The following EPSTI1 variants were observed in gnomAD, a reference collection of about 807,000 sequenced individuals.
EPSTI1 encodes the protein epithelial stromal interaction 1.
Under a neutral mutation model 49.9 loss-of-function variants are expected in EPSTI1, and 66 were observed. The observed-to-expected ratio is 1.32, with a 90% CI of 1.08 to 1.62. The LOEUF (loss-of-function observed/expected upper bound fraction) is 1.62, where lower values mean the gene tolerates loss of function less well. Ranked by LOEUF, EPSTI1 falls within the 40% of genes most tolerant of loss-of-function variation. The pLI is 0.00. For missense variants in EPSTI1, 394 were observed against 365.5 expected, an observed-to-expected ratio of 1.08 and a Z score of -0.64; for synonymous variants, 137 against 130.7, an observed-to-expected ratio of 1.05 and a Z score of -0.33.
In EPSTI1 at chr13:42,965,679, G is replaced by C. The variant is rs189943094; in HGVS notation, c.332-1540C>G. On this transcript the variant is annotated intron_variant, in intron 3 of 10. Coordinates refer to ENST00000313624, the MANE Select transcript of EPSTI1 (RefSeq NM_033255.5). Reference sequence around the variant, plus strand: ...TTAATGAAAATCAGCTGGAGTCCCTGTCCCTCTCCCTCTCCCTCTCCCTCT... The same window carrying C: ...TTAATGAAAATCAGCTGGAGTCCCTCTCCCTCTCCCTCTCCCTCTCCCTCT... Among the ~76,000 whole-genome samples the C allele has an allele frequency of 1.9e-3, 29 of 15,520 alleles. 4 individuals carry two copies. The highest frequency in any genetic ancestry group is 0.01 in the South Asian group (2 of 196). The allele number at this position is 15,520 out of a possible 152,430, so 10.2% of individuals were successfully genotyped here. A position where few individuals can be genotyped will look rare whatever the true frequency, so the allele number is the denominator to read the frequency against.
intron 10 of EPSTI1, among the ~76,000 whole-genome samples, chr13:42,889,525 G>A (rs1313124286): frequency 5.3e-5 from 8 of 152,100 alleles, no homozygotes; most frequent in Admixed American, 5.2e-4. Flanking sequence ...TTTCCTCCAA[G>A]CCTCTGTGAA....
rs1355126723 is a variant in EPSTI1, at chr13:42,917,624, C to A, written c.658G>T (p.Ala220Ser). The change falls in exon 8 of 11, where the codon GCC (alanine) becomes TCC (serine). Residue 220 changes from alanine (A) to serine (S), a missense_variant and splice_region_variant. Physicochemically the swap from Ala to Ser is moderately conservative, Grantham distance 99. Transcript: ENST00000313624. ...GAATCTCTGTAAGCCCAGCTTCTGG[C>A]CTGTAAAGGTACAAAGAGAAAAAAA... ...AVCGPQSSTW[A>S]RSWAYRDSLK... The A allele has an allele frequency of 3.8e-6, 3 of 784,630 alleles. No individual in the cohort carries two copies. Among genetic ancestry groups the A allele is most frequent in the African/African-American group, 3.5e-5 (2 of 56,402 alleles). The allele number at this position is 784,630 out of a possible 1,614,324, so 48.6% of individuals were successfully genotyped here. A position where few individuals can be genotyped will look rare whatever the true frequency, so the allele number is the denominator to read the frequency against.
At chr13:42,974,608 G>C (rs1407007608) in intron 1 of EPSTI1, among the ~76,000 whole-genome samples, 2 of 151,068 alleles carry the variant, frequency 1.3e-5, no homozygotes, top group African/African-American at 4.9e-5. Context: ...GCAGTGAGCC[G>C]AGATTGCGCC....
intron 6 of EPSTI1, among the ~76,000 whole-genome samples, chr13:42,948,659 TAGAGATGA>T (rs2153427499): frequency 6.6e-6 from 1 of 152,068 alleles, no homozygotes; most frequent in Non-Finnish European, 1.5e-5. Flanking sequence ...GTATTTTTTG[TAGAGATGA>T]GGTCTCCCTA....
chr13:42,904,869 G>T (rs2037455225), intron 8 of EPSTI1, among the ~76,000 whole-genome samples: 1 of 152,060 alleles, frequency 6.6e-6, no homozygotes. Flanking sequence ...AACATTTAAT[G>T]AAAAACTACA....
intron 10 of EPSTI1, among the ~76,000 whole-genome samples, chr13:42,894,690 A>C (rs1480726842): frequency 3.6e-5 from 5 of 139,376 alleles, no homozygotes; most frequent in East Asian, 2.0e-4. Context: ...AAAAAAAAAA[A>C]AAACGTTCAT....
chr13:42,984,674 A>G (rs1001119778), intron 1 of EPSTI1, among the ~76,000 whole-genome samples: 3 of 152,270 alleles, frequency 2.0e-5, no homozygotes, highest in African/African-American at 7.2e-5. Context: ...AGGAGAAAAG[A>G]GAAAAATCAG....
intron 8 of EPSTI1, among the ~76,000 whole-genome samples, chr13:42,912,930 G>C (rs1001783747): frequency 1.8e-4 from 28 of 152,048 alleles, no homozygotes; most frequent in African/African-American, 6.7e-4. Context: ...CAGAAATGGA[G>C]AGCAAAGACA....
chr13:42,987,286 G>A (rs986442356), intron 1 of EPSTI1, among the ~76,000 whole-genome samples: 1 of 151,896 alleles, frequency 6.6e-6, no homozygotes, highest in African/African-American at 2.4e-5. Flanking sequence ...TGTTAGAATT[G>A]AACTGTGGGA....
At chr13:42,911,276 CGCGCACACGTGTGTGAGT>C (rs1566109933) in intron 8 of EPSTI1, among the ~76,000 whole-genome samples, 22 of 146,096 alleles carry the variant, frequency 1.5e-4, no homozygotes. Flanking sequence ...CGCGCGCACG[CGCGCACACGTGTGTGAGT>C]GTGCACATGC....
intron 3 of EPSTI1, among the ~76,000 whole-genome samples, chr13:42,968,658 C>T (rs373819287): frequency 1.3e-5 from 2 of 152,174 alleles, no homozygotes; most frequent in African/African-American, 4.8e-5. Flanking sequence ...TTCCAGCTCA[C>T]TCTCATCTCC....
intron 2 of EPSTI1, chr13:42,969,401 G>A (rs2039710851): frequency 4.2e-6 from 2 of 480,900 alleles, no homozygotes; most frequent in African/African-American, 2.0e-5. Flanking sequence ...CAGAGGGTTC[G>A]AATTTGAAAA....
chr13:42,952,867 T>G (rs1017262355), intron 6 of EPSTI1, among the ~76,000 whole-genome samples: 2 of 152,172 alleles, frequency 1.3e-5, no homozygotes, highest in Non-Finnish European at 2.9e-5. Context: ...CTGCTTATGA[T>G]AGAGGCAGGA....
In EPSTI1 at chr13:42,922,503, C is replaced by T. The variant is rs9525708; in HGVS notation, c.657+3833G>A. Among the ~76,000 whole-genome samples the T allele has an allele frequency of 0.84, 127,014 of 152,090 alleles. 54,368 individuals are homozygous for T. The highest frequency in any genetic ancestry group is 0.95 in the Middle Eastern group (280 of 294). ...GCGGGGACAGGGGACAGATGCCCCC[C>T]GGAAGCTTCAAAAGGAACCATTCCT... On this transcript the variant is annotated intron_variant, in intron 7 of 10. Coordinates refer to ENST00000313624, the MANE Select transcript of EPSTI1 (RefSeq NM_033255.5). The surrounding 1 kb of genome is among the most constrained non-coding windows in gnomAD (Gnocchi z 4.8).
chr13:42,894,981 A>G, intron 10 of EPSTI1, 28 bp downstream of exon 10: 2 of 1,540,936 alleles, frequency 1.3e-6, no homozygotes, highest in Non-Finnish European at 1.8e-6. Context: ...ACATTGAAAG[A>G]TGATTTAAGA....
At chr13:42,920,523 A>C (rs2037962605) in intron 7 of EPSTI1, among the ~76,000 whole-genome samples, 1 of 152,214 alleles carries the variant, frequency 6.6e-6, no homozygotes, top group South Asian at 2.1e-4. Flanking sequence ...AAATGGATGC[A>C]CCAGCTATTG....
chr13:42,927,164 C>T (rs922430791), intron 6 of EPSTI1, among the ~76,000 whole-genome samples: 1 of 152,100 alleles, frequency 6.6e-6, no homozygotes, highest in Non-Finnish European at 1.5e-5. Flanking sequence ...TAGAAATGTC[C>T]TCAGTTTAAA....
rs750021915 is a variant in EPSTI1 at position 42,887,079 on chromosome 13, A to G, written c.*1415T>C. On this transcript the variant is annotated 3_prime_UTR_variant, in exon 11 of 11. Coordinates refer to ENST00000313624, the MANE Select transcript of EPSTI1 (RefSeq NM_033255.5). ...TGTCTGCTACAGCCGCACATTTACA[A>G]TCAGTTTGGTGATATTTCCAACACA... 1.3e-5 allele frequency: 2 copies of G among 152,234 alleles called. No homozygotes were observed. Among genetic ancestry groups the G allele is most frequent in the African/African-American group, 2.4e-5 (1 of 41,448 alleles). The allele number at this position is 152,234 out of a possible 1,614,324, so 9.4% of individuals were successfully genotyped here. A position where few individuals can be genotyped will look rare whatever the true frequency, so the allele number is the denominator to read the frequency against.
At chr13:42,908,718 G>T (rs2037574119) in intron 8 of EPSTI1, among the ~76,000 whole-genome samples, 1 of 151,828 alleles carries the variant, frequency 6.6e-6, no homozygotes, top group Admixed American at 6.6e-5. Flanking sequence ...TCTAATAGGG[G>T]GTCAGTATCC....
Sources: allele counts gnomAD v4.1 joint callset (sites outside exome capture counted in the v4.1 genomes callset), GRCh38; gene constraint gnomAD v4.1.1; non-coding constraint Gnocchi (gnomAD v3.1); transcripts MANE v1.5; gene names NCBI Gene and HGNC (gene_info 2026-07-23, HGNC 2026-07-21).